The following SPATA6 variants were observed in gnomAD, a reference collection of about 807,000 sequenced individuals.
SPATA6 encodes the protein spermatogenesis-associated protein 6.
Under a neutral mutation model 65.3 loss-of-function variants are expected in SPATA6, and 56 were observed. The observed-to-expected ratio is 0.86, with a 90% CI of 0.69 to 1.07. SPATA6 has a LOEUF of 1.07. Among genes scored for constraint, SPATA6 ranks in the 50% least tolerant of loss-of-function variants. The pLI is 0.00. For synonymous variants in SPATA6, 199 were observed against 213.2 expected, an observed-to-expected ratio of 0.93 and a Z score of 0.58; for missense variants, 590 against 594.8, an observed-to-expected ratio of 0.99 and a Z score of 0.08.
chr1:48,353,652 G>A (rs986672147), intron 11 of SPATA6, among the ~76,000 whole-genome samples: 25 of 151,720 alleles, frequency 1.6e-4, no homozygotes, highest in African/African-American at 5.8e-4. Context: ...CAATGACATC[G>A]CTTCAAAATA....
downstream of SPATA6, among the ~76,000 whole-genome samples, chr1:48,290,878 A>C (rs1264139737): frequency 6.6e-6 from 1 of 152,146 alleles, no homozygotes; most frequent in Non-Finnish European, 1.5e-5. Flanking sequence ...AGAGACTTAG[A>C]CTCCCACACA....
rs1644821517 is a variant in SPATA6, at chr1:48,296,854, T to C, written c.*1859A>G. 6.6e-6 allele frequency: 1 copy of C among 152,238 alleles called. No homozygotes were observed. The highest frequency in any genetic ancestry group is 6.5e-5 in the Admixed American group (1 of 15,278). The allele number at this position is 152,238 out of a possible 1,614,324, so 9.4% of individuals were successfully genotyped here. A position where few individuals can be genotyped will look rare whatever the true frequency, so the allele number is the denominator to read the frequency against. ...GGGGGGTGGTGGCAAGAATAACAAA[T>C]AGTGGTACATGCTAAATTTAGTTTA... is the stretch of plus-strand genomic sequence containing the variant. On this transcript the variant is annotated 3_prime_UTR_variant, in exon 13 of 13. Coordinates refer to ENST00000371847, the MANE Select transcript of SPATA6 (RefSeq NM_019073.4).
At chr1:48,420,151 C>T (rs946370340) in intron 3 of SPATA6, among the ~76,000 whole-genome samples, 5 of 152,012 alleles carry the variant, frequency 3.3e-5, no homozygotes, top group African/African-American at 1.2e-4. Flanking sequence ...TGTAATGATG[C>T]CTCTGTAAAA....
At chr1:48,299,000 G>A (rs1644866544) in intron 12 of SPATA6, 107 bp from the exon 13 acceptor site, 16 of 1,099,766 alleles carry the variant, frequency 1.5e-5, no homozygotes, top group Non-Finnish European at 1.9e-5. Context: ...TTAATTCTCT[G>A]CTGGGGCTGT....
At chr1:48,342,773 C>A (rs1646256797) in intron 11 of SPATA6, among the ~76,000 whole-genome samples, 1 of 152,054 alleles carries the variant, frequency 6.6e-6, no homozygotes, top group African/African-American at 2.4e-5. Flanking sequence ...AGTCTATGAC[C>A]TGGATGCTGT....
chr1:48,359,812 T>C (rs1480856110), intron 9 of SPATA6, 42 bp from the exon 10 acceptor site: 1 of 1,450,564 alleles, frequency 6.9e-7, no homozygotes, highest in Non-Finnish European at 9.3e-7. Context: ...CAAATACAGA[T>C]ACATATGTAT....
At chr1:48,359,507 C>G in intron 10 of SPATA6, 79 bp downstream of exon 10, 1 of 1,447,376 alleles carries the variant, frequency 6.9e-7, no homozygotes, top group South Asian at 1.4e-5. Context: ...ACATTCATTT[C>G]ACATGCATAA....
At chr1:48,280,419 AATAG>A in the SPATA6 span, among the ~76,000 whole-genome samples, 5 of 152,316 alleles carry the variant, frequency 3.3e-5, no homozygotes, top group South Asian at 2.1e-4. Flanking sequence ...GAATCAACAA[AATAG>A]ATAGACTGCT....
the SPATA6 span, among the ~76,000 whole-genome samples, chr1:48,279,781 A>G: frequency 1.3e-5 from 2 of 152,188 alleles, no homozygotes; most frequent in African/African-American, 4.8e-5. Flanking sequence ...AACGAGACAG[A>G]AAGTTAACAA....
chr1:48,437,639 A>T (rs189069028), intron 3 of SPATA6, among the ~76,000 whole-genome samples: 1 of 152,310 alleles, frequency 6.6e-6, no homozygotes, highest in Non-Finnish European at 1.5e-5. Flanking sequence ...TGTTAAACCA[A>T]CAGGCTAGTT....
chr1:48,308,027 T>G (rs1645104893), intron 11 of SPATA6, among the ~76,000 whole-genome samples: 1 of 151,978 alleles, frequency 6.6e-6, no homozygotes, highest in Non-Finnish European at 1.5e-5. Context: ...TCACGATTTT[T>G]ATCCAGTCTC....
rs1238792263 is a variant in SPATA6, at chr1:48,444,686, C to T, written c.238+6866G>A. On this transcript the variant is annotated intron_variant, in intron 3 of 12. Transcript: ENST00000371847. ...AGCAGCAACCCGCTCAGGTCCCCTTCCATGCTGTGGAAGCTTTGTTCTTTC... is the reference window on the plus strand; with the variant it reads ...AGCAGCAACCCGCTCAGGTCCCCTTTCATGCTGTGGAAGCTTTGTTCTTTC... Among the ~76,000 whole-genome samples, 4 of 152,348 alleles carry T rather than the reference C, an allele frequency of 2.6e-5. No individual in the cohort carries two copies. In the East Asian group the frequency reaches 7.7e-4, roughly 29 times the overall value.
In SPATA6 at chr1:48,373,077, T is replaced by C. The variant is rs1366538427; in HGVS notation, c.909+12232A>G. Among the ~76,000 whole-genome samples, 5 of 152,218 alleles carry C rather than the reference T, an allele frequency of 3.3e-5. No homozygotes were observed. In the East Asian group the frequency reaches 7.7e-4, roughly 23 times the overall value. On this transcript the variant is annotated intron_variant, in intron 9 of 12. Coordinates refer to ENST00000371847, the MANE Select transcript of SPATA6 (RefSeq NM_019073.4). ...TTAACACTAGGCTCCTTGCTACTTA[T>C]GCAAATTTCTGCAGCTGGCTTGAAT...
At chr1:48,397,693 A>T (rs1416043) in intron 7 of SPATA6, among the ~76,000 whole-genome samples, 69 of 151,516 alleles carry the variant, frequency 4.6e-4, no homozygotes, top group South Asian at 1.7e-3. Context: ...ATGGCTATGG[A>T]GGAAAAAAAA....
chr1:48,356,492 C>A (rs1035732328), intron 10 of SPATA6, among the ~76,000 whole-genome samples: 26 of 144,554 alleles, frequency 1.8e-4, no homozygotes, highest in African/African-American at 6.1e-4. Flanking sequence ...GCCTTGTTTT[C>A]TTCCCAGTTT....
chr1:48,418,541 C>T (rs1652993702), intron 3 of SPATA6, among the ~76,000 whole-genome samples: 1 of 49,332 alleles, frequency 2.0e-5, no homozygotes, highest in African/African-American at 7.9e-5. Context: ...GAACCCATCC[C>T]TACAAAAAAA....
intron 11 of SPATA6, among the ~76,000 whole-genome samples, chr1:48,343,089 T>G (rs551812845): frequency 6.6e-6 from 1 of 152,176 alleles, no homozygotes; most frequent in South Asian, 2.1e-4. Context: ...CACTCAAAAA[T>G]ATCAGTGGTT....
At chr1:48,310,185 T>C (rs946726589) in intron 11 of SPATA6, among the ~76,000 whole-genome samples, 2 of 152,218 alleles carry the variant, frequency 1.3e-5, no homozygotes, top group African/African-American at 4.8e-5. Context: ...TTGCCTGTAA[T>C]TATTTCTTTT....
chr1:48,324,283 T>C lies in SPATA6; in HGVS notation c.1195-18405A>G, dbSNP rs1311275930. Among the ~76,000 whole-genome samples the C allele has an allele frequency of 3.3e-5, 5 of 152,106 alleles. No homozygotes were observed. In the East Asian group the frequency reaches 9.6e-4, roughly 29 times the overall value. ...ACGCAAACATTGGAAGTAGAACTAATACCAATCCTAAACAAACTATTCCAA... is the reference window on the plus strand; with the variant it reads ...ACGCAAACATTGGAAGTAGAACTAACACCAATCCTAAACAAACTATTCCAA... On this transcript the variant is annotated intron_variant, in intron 11 of 12. Coordinates refer to ENST00000371847, the MANE Select transcript of SPATA6 (RefSeq NM_019073.4).
Sources: gnomAD v4.1 joint callset for allele counts (sites outside exome capture counted in the v4.1 genomes callset) on GRCh38, gnomAD v4.1.1 for gene constraint, MANE v1.5 for transcripts, NCBI Gene and HGNC (gene_info 2026-07-23, HGNC 2026-07-21) for gene names.